Variants in PTPRD observed in about 807,000 individuals in gnomAD.
PTPRD encodes the protein receptor-type tyrosine-protein phosphatase delta.
A neutral mutation model predicts 214.5 loss-of-function variants in PTPRD; 34 were observed. The observed-to-expected ratio is 0.16, with a 90% CI of 0.12 to 0.21. The LOEUF (loss-of-function observed/expected upper bound fraction) is 0.21. Ranked by LOEUF, PTPRD falls within the 10% of genes least tolerant of loss-of-function variation. The pLI, the probability that PTPRD is intolerant of heterozygous loss-of-function variation, is 1.00. For synonymous variants in PTPRD, 1,128 were observed against 845.7 expected, an observed-to-expected ratio of 1.33 and a Z score of -5.79; for missense variants, 2,545 against 2,398.7, an observed-to-expected ratio of 1.06 and a Z score of -1.27.
chr9:10,594,534 G>T (rs2076201364), intron 2 of PTPRD, among the ~76,000 whole-genome samples: 1 of 151,994 alleles, frequency 6.6e-6, no homozygotes, highest in Non-Finnish European at 1.5e-5. Context: ...TTGAAAGGCA[G>T]ATATAGAAAT....
chr9:10,538,173 G>A (rs142250824), intron 2 of PTPRD, among the ~76,000 whole-genome samples: 221 of 151,866 alleles, frequency 1.5e-3, no homozygotes, highest in African/African-American at 5.2e-3. Flanking sequence ...GGGAGGATTT[G>A]TTTGGCTTAT....
intron 8 of PTPRD, among the ~76,000 whole-genome samples, chr9:9,463,804 C>T (rs575175384): frequency 6.6e-5 from 10 of 152,082 alleles, no homozygotes; most frequent in Non-Finnish European, 8.8e-5. Flanking sequence ...GTTTACTATC[C>T]TAAGTCTTAA....
intron 4 of PTPRD, among the ~76,000 whole-genome samples, chr9:9,987,209 T>A (rs2095745890): frequency 6.6e-6 from 1 of 152,150 alleles, no homozygotes; most frequent in African/African-American, 2.4e-5. Context: ...ACATGGGTAG[T>A]GAATCTCCAA....
intron 4 of PTPRD, 141 bp from the exon 5 acceptor site, chr9:9,938,751 C>G (rs186864443): frequency 6.6e-6 from 1 of 152,116 alleles, no homozygotes; most frequent in South Asian, 2.1e-4. Context: ...AAACTCTTCA[C>G]CTCTATAATT....
intron 21 of PTPRD, among the ~76,000 whole-genome samples, chr9:8,511,252 G>A (rs1020391912): frequency 2.0e-5 from 3 of 151,798 alleles, no homozygotes; most frequent in Admixed American, 6.6e-5. Context: ...AATGTTTTTT[G>A]TACAGACAGG....
intron 10 of PTPRD, among the ~76,000 whole-genome samples, chr9:9,089,131 G>T (rs1266602552): frequency 2.6e-5 from 4 of 152,178 alleles, no homozygotes; most frequent in Admixed American, 6.5e-5. Flanking sequence ...AAGTGTGTGT[G>T]TGTGTTGAGT....
At chr9:9,907,050 C>G (rs924029562) in intron 5 of PTPRD, among the ~76,000 whole-genome samples, 3 of 151,870 alleles carry the variant, frequency 2.0e-5, no homozygotes, top group African/African-American at 7.2e-5. Context: ...CCCCCATACT[C>G]TCCCCAACAC....
intron 3 of PTPRD, among the ~76,000 whole-genome samples, chr9:10,093,169 C>CA (rs2098449682): frequency 6.6e-6 from 1 of 151,420 alleles, no homozygotes; most frequent in Admixed American, 6.6e-5. Flanking sequence ...AGAAAACCTA[C>CA]AAAATGAGAG....
chr9:10,443,737 T>C (rs1402095667), intron 2 of PTPRD, among the ~76,000 whole-genome samples: 14 of 151,422 alleles, frequency 9.2e-5, no homozygotes, highest in Admixed American at 8.6e-4. Context: ...TTAGAGTCCA[T>C]TACCTGTTAA....
In PTPRD at chr9:9,335,842, G is replaced by A. The variant is rs186606400; in HGVS notation, c.-203+61607C>T. ...AAAGCAATTTGGACTTTCAACTTTT[G>A]CAACAAAAAACACAACTCAGCATCT... On this transcript the variant is annotated intron_variant, in intron 9 of 45. Transcript: ENST00000381196. Among the ~76,000 whole-genome samples the A allele has an allele frequency of 5.9e-5, 9 of 152,074 alleles. No homozygotes were observed. The East Asian group carries it at 1.2e-3, about 20-fold the overall frequency.
chr9:8,716,985 G>A (rs191464303), intron 12 of PTPRD, among the ~76,000 whole-genome samples: 33 of 152,190 alleles, frequency 2.2e-4, no homozygotes, highest in African/African-American at 7.2e-4. Flanking sequence ...AGACAACGTG[G>A]CAAAACCCCT....
chr9:8,454,212 C>A (rs1445015520), intron 33 of PTPRD, among the ~76,000 whole-genome samples: 1 of 152,138 alleles, frequency 6.6e-6, no homozygotes, highest in Non-Finnish European at 1.5e-5. Context: ...GAAAACTAAT[C>A]TTTGGTAAAA....
At chr9:8,560,192 T>A (rs918417371) in intron 14 of PTPRD, among the ~76,000 whole-genome samples, 1 of 152,202 alleles carries the variant, frequency 6.6e-6, no homozygotes, top group African/African-American at 2.4e-5. Flanking sequence ...ATTTGAACAA[T>A]GTTTATAATC....
At chr9:9,775,377 GT>G (rs1300740456) in intron 5 of PTPRD, among the ~76,000 whole-genome samples, 1 of 152,096 alleles carries the variant, frequency 6.6e-6, no homozygotes, top group Admixed American at 6.5e-5. Context: ...CTAAATTCTT[GT>G]TTAGTCAGAA....
chr9:9,058,255 G>C (rs1373492627), intron 10 of PTPRD, among the ~76,000 whole-genome samples: 1 of 151,984 alleles, frequency 6.6e-6, no homozygotes, highest in Non-Finnish European at 1.5e-5. Flanking sequence ...AGAGAAGTAA[G>C]TTGGAATAAA....
intron 10 of PTPRD, among the ~76,000 whole-genome samples, chr9:9,157,172 G>C (rs966538532): frequency 2.0e-5 from 3 of 152,134 alleles, no homozygotes; most frequent in African/African-American, 7.2e-5. Context: ...GCCTATGTCA[G>C]AAAAGACGAA....
At chr9:10,424,730 G>T (rs1343280579) in intron 2 of PTPRD, among the ~76,000 whole-genome samples, 2 of 151,990 alleles carry the variant, frequency 1.3e-5, no homozygotes, top group East Asian at 3.9e-4. Context: ...CCACTAGAAG[G>T]ATTTATGTGT....
intron 7 of PTPRD, among the ~76,000 whole-genome samples, chr9:9,578,758 A>G (rs1163442661): frequency 2.0e-5 from 3 of 152,098 alleles, no homozygotes; most frequent in Non-Finnish European, 4.4e-5. Flanking sequence ...ACTGAAAGCC[A>G]ACAATTGCCT....
At chr9:8,698,792 T>G (rs1391646512) in intron 12 of PTPRD, among the ~76,000 whole-genome samples, 1 of 152,192 alleles carries the variant, frequency 6.6e-6, no homozygotes, top group Non-Finnish European at 1.5e-5. Flanking sequence ...TCTGTTTGGT[T>G]GGGGATAACG....
Sources: allele counts gnomAD v4.1 joint callset (sites outside exome capture counted in the v4.1 genomes callset), GRCh38; gene constraint gnomAD v4.1.1; transcripts MANE v1.5; gene names NCBI Gene and HGNC (gene_info 2026-07-23, HGNC 2026-07-21).